ACTR3C: variants seen among roughly 807,000 people sequenced by gnomAD.
ACTR3C encodes the protein actin-related protein 3C.
ACTR3C carries 18 observed loss-of-function variants against 26.3 expected under a neutral mutation model. That is an observed-to-expected ratio of 0.68 (90% CI 0.47 to 1.01). The LOEUF is 1.01. ACTR3C is among the 50% of genes least tolerant of loss of function. ACTR3C has a pLI of 0.00. For synonymous variants in ACTR3C, 55 were observed against 94.5 expected (o/e 0.58, Z 2.42); for missense variants, 184 against 250.7 (o/e 0.73, Z 1.80).
At chr7:150,315,375 T>G (rs1371030087) in intron 1 of ACTR3C, among the ~76,000 whole-genome samples, 1 of 152,086 alleles carries the variant, frequency 6.6e-6, no homozygotes, top group African/African-American at 2.4e-5. Context: ...GAAGAGGATA[T>G]GCAGCCGAAG....
the ACTR3C span, chr7:150,040,539 T>C: frequency 1.3e-5 from 2 of 148,796 alleles, 1 homozygote; most frequent in African/African-American, 5.1e-5. Flanking sequence ...CCACAGCTCC[T>C]AAGAATTCTC....
At chr7:149,945,385 C>T in the ACTR3C span, among the ~76,000 whole-genome samples, 3 of 151,542 alleles carry the variant, frequency 2.0e-5, no homozygotes, top group Admixed American at 6.6e-5. Flanking sequence ...TGCTTCCCGT[C>T]GAACACAACT....
the ACTR3C span, among the ~76,000 whole-genome samples, chr7:149,974,652 T>C: frequency 6.6e-6 from 1 of 152,204 alleles, no homozygotes; most frequent in Admixed American, 6.5e-5. Flanking sequence ...ATCCTTATTT[T>C]ATACCTTTGG....
chr7:149,929,234 T>A, the ACTR3C span, among the ~76,000 whole-genome samples: 1 of 151,728 alleles, frequency 6.6e-6, no homozygotes, highest in South Asian at 2.1e-4. Flanking sequence ...CAAGACCAGC[T>A]TGGGCAACAT....
the ACTR3C span, among the ~76,000 whole-genome samples, chr7:150,198,956 A>G: frequency 7.6e-6 from 1 of 131,068 alleles, no homozygotes; most frequent in African/African-American, 3.3e-5. Flanking sequence ...CTGCCCGGCC[A>G]GCCGCCCCGT....
intron 7 of ACTR3C, chr7:150,248,058 C>T (rs1215112380): frequency 6.6e-6 from 1 of 152,292 alleles, no homozygotes; most frequent in Admixed American, 6.5e-5. Context: ...AATACCTGCT[C>T]GATTCCAGCC....
chr7:149,982,710 T>C, the ACTR3C span, among the ~76,000 whole-genome samples: 3 of 152,072 alleles, frequency 2.0e-5, no homozygotes, highest in Non-Finnish European at 4.4e-5. Flanking sequence ...TAGGAGCATC[T>C]TGTTACTGGC....
At chr7:150,152,796 G>T in the ACTR3C span, among the ~76,000 whole-genome samples, 1 of 152,074 alleles carries the variant, frequency 6.6e-6, no homozygotes, top group African/African-American at 2.4e-5. Context: ...GTAAGCTATT[G>T]ATTATTGCCA....
chr7:149,939,649 G>A, the ACTR3C span, among the ~76,000 whole-genome samples: 1 of 151,306 alleles, frequency 6.6e-6, no homozygotes, highest in Non-Finnish European at 1.5e-5. Context: ...CAAAGTTGGA[G>A]AGGCAGACTG....
At chr7:150,300,090 C>T (rs1400464415) in intron 1 of ACTR3C, among the ~76,000 whole-genome samples, 2 of 152,106 alleles carry the variant, frequency 1.3e-5, no homozygotes, top group South Asian at 2.1e-4. Context: ...CAATGGCTCA[C>T]ACCTATAATG....
chr7:150,032,025 T>A, the ACTR3C span, among the ~76,000 whole-genome samples: 1 of 152,270 alleles, frequency 6.6e-6, no homozygotes, highest in African/African-American at 2.4e-5. Context: ...CCCAGGGCCC[T>A]CACAGCCTTG....
the ACTR3C span, among the ~76,000 whole-genome samples, chr7:150,110,271 G>T: frequency 6.6e-6 from 1 of 151,970 alleles, no homozygotes; most frequent in East Asian, 1.9e-4. Context: ...CAGTAAGAAA[G>T]AGTTGTCTTT....
At chr7:150,049,086 C>T in the ACTR3C span, among the ~76,000 whole-genome samples, 3 of 152,204 alleles carry the variant, frequency 2.0e-5, no homozygotes, top group Non-Finnish European at 2.9e-5. Flanking sequence ...TGGCTCCACT[C>T]GCCGCGCGCT....
chr7:150,086,007 C>T, the ACTR3C span, among the ~76,000 whole-genome samples: 3 of 150,620 alleles, frequency 2.0e-5, no homozygotes, highest in Non-Finnish European at 4.4e-5. Context: ...CACAGAGTCT[C>T]ACTCTGTCAC....
the ACTR3C span, among the ~76,000 whole-genome samples, chr7:150,233,631 T>G: frequency 6.6e-6 from 1 of 152,052 alleles, no homozygotes; most frequent in Non-Finnish European, 1.5e-5. Flanking sequence ...GAAGACATTC[T>G]TTATTTATGT....
chr7:150,086,840 C>T, the ACTR3C span, among the ~76,000 whole-genome samples: 2 of 152,242 alleles, frequency 1.3e-5, no homozygotes, highest in South Asian at 4.2e-4. Context: ...TGACAGCTGA[C>T]AATCTGTCCC....
At chr7:150,191,374 CT>C in the ACTR3C span, among the ~76,000 whole-genome samples, 2 of 152,262 alleles carry the variant, frequency 1.3e-5, no homozygotes, top group South Asian at 2.1e-4. Context: ...AATGATTTAG[CT>C]TTTTGTTAAA....
chr7:150,272,940 C>T (rs1426597392), intron 6 of ACTR3C, among the ~76,000 whole-genome samples: 2 of 139,694 alleles, frequency 1.4e-5, no homozygotes, highest in Admixed American at 6.8e-5. Flanking sequence ...AACAATCCTC[C>T]TTCCTCAGCC....
At chr7:149,969,330 T>TGA in the ACTR3C span, among the ~76,000 whole-genome samples, 96 of 107,492 alleles carry the variant, frequency 8.9e-4, no homozygotes, top group African/African-American at 3.0e-3. Context: ...TGTGTGTGTG[T>TGA]GATGCTGCCC....
Sources: allele counts gnomAD v4.1 joint callset (sites outside exome capture counted in the v4.1 genomes callset), GRCh38; gene constraint gnomAD v4.1.1; transcripts MANE v1.5; gene names NCBI Gene and HGNC (gene_info 2026-07-23, HGNC 2026-07-21).